MYLK4: variants seen among roughly 807,000 people sequenced by gnomAD.
MYLK4 encodes the protein myosin light chain kinase family member 4, also known as caMLCK like.
In MYLK4, 46 loss-of-function variants were observed where a neutral mutation model predicts 48.1. The ratio of observed to expected loss-of-function variants is 0.96; its 90% CI spans 0.75 to 1.22. MYLK4 has a LOEUF of 1.22. MYLK4 is among the 50% of genes most tolerant of loss of function. The pLI is 0.00. For missense variants in MYLK4, 451 were observed against 486.1 expected, an observed-to-expected ratio of 0.93 and a Z score of 0.68; for synonymous variants, 170 against 180.8, an observed-to-expected ratio of 0.94 and a Z score of 0.48.
chr6:2,697,150 T>C (rs1762092667), intron 2 of MYLK4, among the ~76,000 whole-genome samples: 1 of 152,260 alleles, frequency 6.6e-6, no homozygotes. Flanking sequence ...CGGAGTGCTT[T>C]AAAATATTTT....
the MYLK4 span, among the ~76,000 whole-genome samples, chr6:2,762,707 G>A: frequency 0.13 from 19,284 of 152,164 alleles, 1,597 homozygotes; most frequent in East Asian, 0.32. Context: ...AGACCCTCAC[G>A]GAAACTGTTA....
chr6:2,767,762 C>T, the MYLK4 span, among the ~76,000 whole-genome samples: 1 of 152,170 alleles, frequency 6.6e-6, no homozygotes, highest in African/African-American at 2.4e-5. Flanking sequence ...TGAGCTCATC[C>T]CACCTACCAA....
rs1761208384 is a variant in MYLK4 at position 2,679,342 on chromosome 6, C to A, written c.825G>T (p.Val275=). Residue 275 remains valine, a synonymous_variant, in exon 9 of 13, where the codon GTG becomes GTT. Transcript: ENST00000274643. ...GTPEFLAPEV[V]NYDFVSFPTD... is the part of the protein sequence containing the mutation. ...TGGGAAATGAAACAAAATCATAGTT[C>A]ACAACTTCAGGGGCGAGAAATTCTG... 1.2e-6 allele frequency: 2 copies of A among 1,614,168 alleles called. No individual in the cohort carries two copies. The highest frequency in any genetic ancestry group is 4.5e-5 in the East Asian group (2 of 44,888).
intron 2 of MYLK4, among the ~76,000 whole-genome samples, chr6:2,745,779 T>C (rs1057226480): frequency 6.6e-6 from 1 of 151,506 alleles, no homozygotes; most frequent in Non-Finnish European, 1.5e-5. Context: ...ATACAGAAAG[T>C]AGCCATGGGT....
At chr6:2,768,923 C>T in the MYLK4 span, 3 of 1,560,352 alleles carry the variant, frequency 1.9e-6, no homozygotes, top group African/African-American at 4.1e-5. Context: ...TTGTGAACAT[C>T]AAACAATATA....
At chr6:2,717,475 G>T (rs148470176) in intron 2 of MYLK4, among the ~76,000 whole-genome samples, 1 of 152,314 alleles carries the variant, frequency 6.6e-6, no homozygotes, top group Admixed American at 6.5e-5. Flanking sequence ...GCTGTTGGGC[G>T]TTGGGAGATC....
At chr6:2,764,679 A>G in the MYLK4 span, among the ~76,000 whole-genome samples, 1 of 152,112 alleles carries the variant, frequency 6.6e-6, no homozygotes, top group Admixed American at 6.5e-5. Flanking sequence ...GCCTCCCATC[A>G]TTTGGTTGCT....
At chr6:2,763,265 T>C in the MYLK4 span, among the ~76,000 whole-genome samples, 1 of 152,266 alleles carries the variant, frequency 6.6e-6, no homozygotes, top group Non-Finnish European at 1.5e-5. Flanking sequence ...GAAACCCAGT[T>C]GGCTTCTCCC....
intron 2 of MYLK4, among the ~76,000 whole-genome samples, chr6:2,693,426 C>G (rs1379372698): frequency 2.0e-5 from 3 of 152,184 alleles, no homozygotes; most frequent in African/African-American, 7.2e-5. Flanking sequence ...AGATGAAAGT[C>G]AGCTTTATAA....
At chr6:2,680,813 A>C (rs1761271787) in intron 7 of MYLK4, among the ~76,000 whole-genome samples, 1 of 152,174 alleles carries the variant, frequency 6.6e-6, no homozygotes, top group Non-Finnish European at 1.5e-5. Context: ...CGCACGGCAG[A>C]GGAGGGCTTT....
At chr6:2,707,662 T>A (rs1229721869) in intron 2 of MYLK4, among the ~76,000 whole-genome samples, 2 of 152,220 alleles carry the variant, frequency 1.3e-5, no homozygotes, top group Non-Finnish European at 2.9e-5. Context: ...TCAGTTAGTA[T>A]CACCCCCAAA....
rs553160043 is a variant in MYLK4 at position 2,750,884 on chromosome 6, G to A, written c.-261C>T. 13 of 152,766 alleles carry A rather than the reference G, an allele frequency of 8.5e-5. No homozygotes were observed. The highest frequency in any genetic ancestry group is 3.1e-4 in the African/African-American group (13 of 41,576). The allele number at this position is 152,766 out of a possible 1,614,324, so 9.5% of individuals were successfully genotyped here. On this transcript the variant is annotated 5_prime_UTR_variant, in exon 1 of 13. Transcript: ENST00000274643. Reference sequence around the variant, plus strand: ...CTCAGTCGTATAAATCTTCTGAAAAGACAAGTGTCCACTACGAGAGGAAGT... The same window carrying A: ...CTCAGTCGTATAAATCTTCTGAAAAAACAAGTGTCCACTACGAGAGGAAGT...
In MYLK4 at chr6:2,675,492, A is replaced by G. The variant is rs545510905; in HGVS notation, c.1041-367T>C. ...ATTATTGTAAGAACAAAATGCTACA[A>G]TGATTCTTGATGATTGCCAAAGCAA... On this transcript the variant is annotated intron_variant, in intron 10 of 12. Transcript: ENST00000274643. Among the ~76,000 whole-genome samples the G allele has an allele frequency of 1.6e-3, 244 of 152,344 alleles. 1 individual carries two copies. The highest frequency in any genetic ancestry group is 2.5e-3 in the Non-Finnish European group (171 of 68,040).
chr6:2,681,267 T>A (rs574341451), intron 7 of MYLK4, among the ~76,000 whole-genome samples: 20 of 152,200 alleles, frequency 1.3e-4, no homozygotes, highest in African/African-American at 4.6e-4. Context: ...TCCAATGAGA[T>A]CAGAAATTCA....
chr6:2,736,995 C>T (rs1763698491), intron 2 of MYLK4, among the ~76,000 whole-genome samples: 1 of 152,214 alleles, frequency 6.6e-6, no homozygotes, highest in African/African-American at 2.4e-5. Context: ...TAGTCTCTGC[C>T]TTCTCTCATG....
intron 7 of MYLK4, among the ~76,000 whole-genome samples, chr6:2,681,879 A>G (rs78859830): frequency 0.063 from 9,650 of 152,328 alleles, 410 homozygotes; most frequent in Non-Finnish European, 0.091. Flanking sequence ...TTGCCAATCA[A>G]ATCCCTGTAG....
chr6:2,765,388 G>A, the MYLK4 span: 1 of 375,186 alleles, frequency 2.7e-6, no homozygotes, highest in Non-Finnish European at 4.4e-6. Flanking sequence ...AAACGGCCAC[G>A]AACTACACTT....
chr6:2,739,882 C>G (rs1484967600), intron 2 of MYLK4, among the ~76,000 whole-genome samples: 8 of 152,156 alleles, frequency 5.3e-5, no homozygotes, highest in Admixed American at 5.2e-4. Context: ...TAAGAGCAAC[C>G]CTGTGCAGTA....
chr6:2,693,772 T>C (rs950666891), intron 2 of MYLK4, among the ~76,000 whole-genome samples: 219 of 151,382 alleles, frequency 1.4e-3, no homozygotes, highest in Non-Finnish European at 2.2e-3. Flanking sequence ...TTTTTTTTTT[T>C]TTGAGATGGA....
Sources: allele counts gnomAD v4.1 joint callset (sites outside exome capture counted in the v4.1 genomes callset), GRCh38; gene constraint gnomAD v4.1.1; transcripts MANE v1.5; gene names NCBI Gene and HGNC (gene_info 2026-07-23, HGNC 2026-07-21).